TDRD6: variants seen among roughly 807,000 people sequenced by gnomAD.
The protein encoded by TDRD6 is tudor domain containing 6, also known as tudor domain-containing protein 6.
In TDRD6, 186 loss-of-function variants were observed where a neutral mutation model predicts 157.5. The ratio of observed to expected loss-of-function variants is 1.18; its 90% CI spans 1.05 to 1.33. The LOEUF is 1.33. Among genes scored for constraint, TDRD6 ranks in the 40% most tolerant of loss-of-function variants. The pLI, the probability that TDRD6 is intolerant of heterozygous loss-of-function variation, is 0.00. For synonymous variants in TDRD6, 1,075 were observed against 945.2 expected (o/e 1.14, Z -2.52); for missense variants, 3,066 against 2,508.0 (o/e 1.22, Z -4.75).
At position 46,689,764 on chromosome 6, in the gene TDRD6, A is replaced by C; in HGVS notation, c.1636A>C (p.Lys546Gln). The C allele has an allele frequency of 6.2e-7, 1 of 1,614,218 alleles. No homozygotes were observed. The highest frequency in any genetic ancestry group is 8.5e-7 in the Non-Finnish European group (1 of 1,180,046). The change falls in exon 1 of 4, where the codon AAG (lysine) becomes CAG (glutamine). Residue 546 changes from lysine (K) to glutamine (Q), a missense_variant. Coordinates refer to ENST00000316081, the MANE Select transcript of TDRD6 (RefSeq NM_001010870.3). ...KPEPDDLCCV[K>Q]WKENGYYRAI... Reference sequence around the variant, plus strand: ...TGAACCTGATGACCTTTGCTGTGTCAAGTGGAAAGAAAATGGTTATTATAG... The same window carrying C: ...TGAACCTGATGACCTTTGCTGTGTCCAGTGGAAAGAAAATGGTTATTATAG...
upstream of TDRD6, among the ~76,000 whole-genome samples, chr6:46,687,272 G>A (rs1445921561): frequency 6.6e-6 from 1 of 152,166 alleles, no homozygotes; most frequent in Non-Finnish European, 1.5e-5. Flanking sequence ...AAATGAAAAT[G>A]CCTTCAAAAT....
rs756780086 is a variant in TDRD6, at chr6:46,692,689, A to T, written c.4561A>T (p.Ile1521Leu). The T allele has an allele frequency of 2.5e-6, 4 of 1,613,950 alleles. No individual in the cohort carries two copies. Among genetic ancestry groups the T allele is most frequent in the Non-Finnish European group, 3.4e-6 (4 of 1,179,976 alleles). The change falls in exon 1 of 4, where the codon ATA (isoleucine) becomes TTA (leucine). Residue 1521 changes from isoleucine (I) to leucine (L), a missense_variant. By Grantham distance (5) the Ile-to-Leu change is conservative. Coordinates refer to ENST00000316081, the MANE Select transcript of TDRD6 (RefSeq NM_001010870.3). ...CTGGTATAATCCAGAAAAAAAAATG[A>T]TAAGAGCTTATGCCACTGTGATAGA... ...LNWYNPEKKM[I>L]RAYATVIDGP...
In TDRD6 at chr6:46,692,958, CTG is replaced by C. The variant is rs766786822; in HGVS notation, c.4835_4836del (p.Val1612GlyfsTer11). On this transcript the variant is annotated frameshift_variant, in exon 1 of 4. Transcript: ENST00000316081. LOFTEE classifies it high-confidence loss of function. The stretch of plus-strand genomic sequence containing the variant: ...TTGTGGACTTTGGAAACATTGAAGA[CTG>C]TGTGGACCCAAAAGCACTCTGGGCC... ...RLVDFGNIED[C>X]VDPKALWAIP... 11 of 1,613,256 alleles carry C rather than the reference CTG, an allele frequency of 6.8e-6. No individual in the cohort carries two copies. The highest frequency in any genetic ancestry group is 8.5e-6 in the Non-Finnish European group (10 of 1,179,474).
Position 46,691,535 on chromosome 6 carries a change from C to T in TDRD6, c.3407C>T (p.Thr1136Ile). 2 of 1,613,836 alleles carry T rather than the reference C, an allele frequency of 1.2e-6. No homozygotes were observed. The highest frequency in any genetic ancestry group is 1.7e-6 in the Non-Finnish European group (2 of 1,179,840). Residue 1136 changes from threonine to isoleucine, a missense_variant, in exon 1 of 4, where the codon ACA (threonine) becomes ATA (isoleucine). By Grantham distance (89) the Thr-to-Ile change is moderately conservative. Coordinates refer to ENST00000316081, the MANE Select transcript of TDRD6 (RefSeq NM_001010870.3). ...GTTGTAGCAAAAGATCCAGATGGAA[C>T]ACTGATTATAGAACTATATGGTGAC... ...ALVVAKDPDG[T>I]LIIELYGDNI...
Position 46,692,317 on chromosome 6 carries a change from C to G in TDRD6, c.4189C>G (p.His1397Asp), listed in dbSNP as rs900733689. The G allele has an allele frequency of 3.7e-6, 6 of 1,614,004 alleles. No individual in the cohort carries two copies. The African/African-American group carries it at 8.0e-5, about 22-fold the overall frequency. ...FIDYGNVSVV[H>D]TNKIGRLDLV... ...AGATTATGGCAATGTTTCTGTGGTTCATACTAACAAAATAGGTAGGCTTGA... is the reference window on the plus strand; with the variant it reads ...AGATTATGGCAATGTTTCTGTGGTTGATACTAACAAAATAGGTAGGCTTGA... Residue 1397 changes from histidine (H) to aspartate (D), a missense_variant, in exon 1 of 4, where the codon CAT becomes GAT. His to Asp is a moderately conservative substitution (Grantham distance 81). Coordinates refer to ENST00000316081, the MANE Select transcript of TDRD6 (RefSeq NM_001010870.3).
chr6:46,691,177 T>G lies in TDRD6; in HGVS notation c.3049T>G (p.Cys1017Gly), dbSNP rs1325495540. The G allele has an allele frequency of 6.2e-7, 1 of 1,613,762 alleles. No homozygotes were observed. ...RNANILEQLS[C>G]SITQLSKVLL... Reference sequence around the variant, plus strand: ...TGCAAATATTTTAGAACAGTTGTCATGTAGTATTACACAATTAAGTAAAGT... The same window carrying G: ...TGCAAATATTTTAGAACAGTTGTCAGGTAGTATTACACAATTAAGTAAAGT... Residue 1017 changes from cysteine to glycine, a missense_variant, in exon 1 of 4, where the codon TGT becomes GGT. By Grantham distance (159) the Cys-to-Gly change is radical (BLOSUM62 -3). Coordinates refer to ENST00000316081, the MANE Select transcript of TDRD6 (RefSeq NM_001010870.3).
At chr6:46,697,738 A>G (rs957321489) in intron 2 of TDRD6, among the ~76,000 whole-genome samples, 1 of 152,194 alleles carries the variant, frequency 6.6e-6, no homozygotes, top group Non-Finnish European at 1.5e-5. Flanking sequence ...AATACAAAAA[A>G]TTAGCTGGGC....
At chr6:46,698,206 A>G (rs1434369578) in intron 3 of TDRD6, 119 bp downstream of exon 3, 3 of 644,636 alleles carry the variant, frequency 4.7e-6, no homozygotes, top group East Asian at 2.7e-5. Context: ...TCCTGTGACA[A>G]TAGTTAAAAA....
Position 46,689,898 on chromosome 6 carries a change from T to C in TDRD6, c.1770T>C (p.Phe590=). The change falls in exon 1 of 4, where the codon TTT becomes TTC. Residue 590 remains phenylalanine, a synonymous_variant. Transcript: ENST00000316081. ...WYDVRMLLPQ[F]RQLPILAVKC... ...ACGTAAGGATGCTGCTTCCTCAGTT[T>C]AGGCAGCTACCAATATTGGCTGTGA... 6.2e-7 allele frequency: 1 copy of C among 1,614,194 alleles called. No individual in the cohort carries two copies.
At chr6:46,682,551 A>G in the TDRD6 span, among the ~76,000 whole-genome samples, 1 of 152,048 alleles carries the variant, frequency 6.6e-6, no homozygotes, top group South Asian at 2.1e-4. Context: ...AACTGCCTTT[A>G]TTCACAGATG....
upstream of TDRD6, among the ~76,000 whole-genome samples, chr6:46,683,867 T>C (rs974536799): frequency 2.0e-5 from 3 of 152,134 alleles, no homozygotes; most frequent in Admixed American, 2.0e-4. Context: ...ATGATAAACA[T>C]GGACTTTCAA....
Position 46,693,546 on chromosome 6 carries a change from G to A in TDRD6, c.5418G>A (p.Glu1806=). The A allele has an allele frequency of 6.2e-7, 1 of 1,614,040 alleles. No individual in the cohort carries two copies. The highest frequency in any genetic ancestry group is 8.5e-7 in the Non-Finnish European group (1 of 1,179,928). ...AGTGCCATCTGGTTGACAAAGCAGA[G>A]TTTGATGATAAATACCTGATTACAG... ...ELECHLVDKA[E]FDDKYLITGF... is the part of the protein sequence containing the mutation. The change falls in exon 1 of 4, where the codon GAG becomes GAA. Residue 1806 remains glutamate, a synonymous_variant. Transcript: ENST00000316081.
Position 46,693,984 on chromosome 6 carries a change from G to C in TDRD6, c.5856G>C (p.Gln1952His). The C allele has an allele frequency of 6.2e-7, 1 of 1,613,850 alleles. No individual in the cohort carries two copies. Among genetic ancestry groups the C allele is most frequent in the South Asian group, 1.1e-5 (1 of 91,010 alleles). The change falls in exon 1 of 4, where the codon CAG becomes CAC. Residue 1952 changes from glutamine to histidine, a missense_variant. Physicochemically the swap from Gln to His is conservative, Grantham distance 24. Transcript: ENST00000316081. ...KSSCVESFDD[Q>H]RRMSLHLHGA... ...GTTGTGTAGAATCTTTTGATGACCA[G>C]CGCAGGATGTCATTGCATCTACATG...
At position 46,691,743 on chromosome 6, in the gene TDRD6, TAAAG is replaced by T. The variant is rs759357998; in HGVS notation, c.3619_3622del (p.Glu1207PhefsTer23). The T allele has an allele frequency of 3.1e-5, 49 of 1,592,162 alleles. No homozygotes were observed. The highest frequency in any genetic ancestry group is 3.5e-5 in the Non-Finnish European group (41 of 1,174,312). On this transcript the variant is annotated frameshift_variant, in exon 1 of 4. Transcript: ENST00000316081. LOFTEE classifies it high-confidence loss of function. ...AATCAGTAGGGTACAAGTTACCTAATAAAGAAATTTTGGAAGAGTCATATAAACC... is the reference window on the plus strand; with the variant it reads ...AATCAGTAGGGTACAAGTTACCTAATAAATTTTGGAAGAGTCATATAAACC...
chr6:46,688,965 C>G lies in TDRD6; in HGVS notation c.837C>G (p.Leu279=), dbSNP rs780175384. ...LRSVSQEIHR[L]SESMAQVYRG... ...GCGTCTCGCAGGAGATCCACCGCCT[C>G]TCCGAGAGCATGGCCCAGGTATACC... Residue 279 remains leucine, a synonymous_variant, in exon 1 of 4, where the codon CTC becomes CTG. Transcript: ENST00000316081. 1 of 1,613,516 alleles carries G rather than the reference C, an allele frequency of 6.2e-7. No individual in the cohort carries two copies. Among genetic ancestry groups the G allele is most frequent in the Non-Finnish European group, 8.5e-7 (1 of 1,179,644 alleles).
Position 46,688,092 on chromosome 6 carries a change from T to C in TDRD6, c.-37T>C, listed in dbSNP as rs1764155654. 2.8e-6 allele frequency: 4 copies of C among 1,444,940 alleles called. No homozygotes were observed. The highest frequency in any genetic ancestry group is 3.6e-6 in the Non-Finnish European group (4 of 1,108,866). 89.5% of individuals were successfully genotyped at this position (1,444,940 alleles called of 1,614,324 possible). ...TTTCGAGGCCCTGAGGCGCGGCCCT[T>C]AATTTCCGGAAGTGGGGGCCGCGCC... On this transcript the variant is annotated 5_prime_UTR_variant, in exon 1 of 4. Coordinates refer to ENST00000316081, the MANE Select transcript of TDRD6 (RefSeq NM_001010870.3).
At chr6:46,684,152 CTG>C (rs966846449), upstream of TDRD6, among the ~76,000 whole-genome samples, 7 of 152,066 alleles carry the variant, frequency 4.6e-5, no homozygotes, top group African/African-American at 1.7e-4. Context: ...CTTGAATTGT[CTG>C]TGTGTGTATT....
rs1404316299 is a variant in TDRD6 at position 46,689,959 on chromosome 6, A to G, written c.1831A>G (p.Thr611Ala). The change falls in exon 1 of 4, where the codon ACT becomes GCT. Residue 611 changes from threonine (T) to alanine (A), a missense_variant. By Grantham distance (58) the Thr-to-Ala change is moderately conservative (BLOSUM62 0). Coordinates refer to ENST00000316081, the MANE Select transcript of TDRD6 (RefSeq NM_001010870.3). ...GGCTGATATTTGGCCTTTGGGAAAA[A>G]CTTGGAGCCAGGAGGCAGTTTCCTT... is the stretch of plus-strand genomic sequence containing the variant. ...TLADIWPLGK[T>A]WSQEAVSFFK... 6.2e-7 allele frequency: 1 copy of G among 1,613,800 alleles called. No homozygotes were observed. The highest frequency in any genetic ancestry group is 2.2e-5 in the East Asian group (1 of 44,882).
Position 46,690,303 on chromosome 6 carries a change from C to T in TDRD6, c.2175C>T (p.Asp725=), listed in dbSNP as rs1244589013. ...KTTSVSKALS[D]TTVVTNGSTE... ...CATCTGTTTCAAAAGCTTTGAGTGACACAACAGTTGTAACAAATGGTTCAA... is the reference window on the plus strand; with the variant it reads ...CATCTGTTTCAAAAGCTTTGAGTGATACAACAGTTGTAACAAATGGTTCAA... Residue 725 remains aspartate (D), a synonymous_variant, in exon 1 of 4, where the codon GAC becomes GAT. Transcript: ENST00000316081. The T allele has an allele frequency of 6.2e-7, 1 of 1,613,436 alleles. No individual in the cohort carries two copies. Among genetic ancestry groups the T allele is most frequent in the South Asian group, 1.1e-5 (1 of 91,070 alleles).
Sources: gnomAD v4.1 joint callset for allele counts (sites outside exome capture counted in the v4.1 genomes callset) on GRCh38, gnomAD v4.1.1 for gene constraint, MANE v1.5 for transcripts, NCBI Gene and HGNC (gene_info 2026-07-23, HGNC 2026-07-21) for gene names.